Variants in NAP1L4 observed in about 807,000 individuals in gnomAD.
The protein encoded by NAP1L4 is nucleosome assembly protein 1-like 4.
In NAP1L4, 15 loss-of-function variants were observed where a neutral mutation model predicts 58.2. That is an observed-to-expected ratio of 0.26 (90% CI 0.17 to 0.40). The LOEUF is 0.40. Ranked by LOEUF, NAP1L4 falls within the 10% of genes least tolerant of loss-of-function variation. The pLI is 1.00. For missense variants in NAP1L4, 384 were observed against 451.1 expected, an observed-to-expected ratio of 0.85 and a Z score of 1.35; for synonymous variants, 171 against 155.6, an observed-to-expected ratio of 1.10 and a Z score of -0.74.
chr11:2,978,146 C>T, intron 3 of NAP1L4, 138 bp downstream of exon 3: 1 of 736,136 alleles, frequency 1.4e-6, no homozygotes, highest in African/African-American at 1.8e-5. Context: ...TAATGAGATA[C>T]TGATTTTTCA....
rs867834832 is a variant in NAP1L4, at chr11:2,948,470, G to A, written c.*32+757C>T. 1.2e-4 allele frequency among the ~76,000 whole-genome samples: 18 copies of A among 152,248 alleles called. 1 individual carries two copies. Among genetic ancestry groups the A allele is most frequent in the Middle Eastern group, 6.8e-3 (2 of 294 alleles). On this transcript the variant is annotated intron_variant, in intron 15 of 15. Transcript: ENST00000380542. The surrounding 1 kb of genome is among the most constrained non-coding windows in gnomAD (Gnocchi z 5.1). The stretch of plus-strand genomic sequence containing the variant: ...TCTCCCACTACATCCCGAGTGCCAC[G>A]AGTGAACAGGTCTCGTCACGGGCAA...
At chr11:2,967,439 C>T (rs1011019804) in intron 7 of NAP1L4, among the ~76,000 whole-genome samples, 1 of 151,908 alleles carries the variant, frequency 6.6e-6, no homozygotes, top group Non-Finnish European at 1.5e-5. Flanking sequence ...AGTGAAACCC[C>T]GTCTCTACTA....
chr11:2,970,046 C>G (rs536581798), intron 6 of NAP1L4, 112 bp from the exon 7 acceptor site: 16 of 1,141,444 alleles, frequency 1.4e-5, no homozygotes, highest in Non-Finnish European at 1.9e-5. Context: ...AAACACCTTG[C>G]TTTCTAAGTC....
At chr11:2,991,129 G>A (rs989721180) in intron 1 of NAP1L4, 24 of 456,236 alleles carry the variant, frequency 5.3e-5, no homozygotes, top group African/African-American at 4.6e-4. Flanking sequence ...CCTGCCAGAG[G>A]AGCGCACAGT....
chr11:2,965,535 A>G (rs1343110628), intron 7 of NAP1L4, among the ~76,000 whole-genome samples: 1 of 152,140 alleles, frequency 6.6e-6, no homozygotes, highest in Non-Finnish European at 1.5e-5. Context: ...TCCAAAACTC[A>G]CAATACACAC....
intron 7 of NAP1L4, among the ~76,000 whole-genome samples, chr11:2,969,381 A>ACAC: frequency 6.8e-6 from 1 of 147,298 alleles, no homozygotes; most frequent in African/African-American, 2.5e-5. Flanking sequence ...CACACACACA[A>ACAC]ACAAACACAC....
At chr11:2,960,430 T>G (rs1448534192) in intron 8 of NAP1L4, among the ~76,000 whole-genome samples, 1 of 152,002 alleles carries the variant, frequency 6.6e-6, no homozygotes, top group South Asian at 2.1e-4. Context: ...GACAGAAAGC[T>G]CATCCCTCAC....
chr11:2,987,496 C>CT (rs1385205558), intron 1 of NAP1L4, among the ~76,000 whole-genome samples: 1 of 151,346 alleles, frequency 6.6e-6, no homozygotes, highest in East Asian at 2.0e-4. Flanking sequence ...TGGCTCACGC[C>CT]TGTAATCCCA....
At chr11:2,947,661 T>G (rs961209406) in intron 15 of NAP1L4, among the ~76,000 whole-genome samples, 2 of 152,114 alleles carry the variant, frequency 1.3e-5, no homozygotes, top group Non-Finnish European at 2.9e-5. Context: ...TGAAGCGTCC[T>G]TTATCTCATG....
intron 1 of NAP1L4, among the ~76,000 whole-genome samples, chr11:2,982,606 C>A (rs1361981096): frequency 1.3e-5 from 2 of 152,196 alleles, no homozygotes; most frequent in African/African-American, 4.8e-5. Context: ...AGGTGAGGTG[C>A]CAAATTGAAA....
In NAP1L4 at chr11:2,945,571, C is replaced by T; in HGVS notation, c.*108G>A. The T allele has an allele frequency of 6.5e-7, 1 of 1,532,372 alleles. No homozygotes were observed. Among genetic ancestry groups the T allele is most frequent in the Non-Finnish European group, 8.7e-7 (1 of 1,143,716 alleles). The allele number at this position is 1,532,372 out of a possible 1,614,324, so 94.9% of individuals were successfully genotyped here. A position where few individuals can be genotyped will look rare whatever the true frequency, so the allele number is the denominator to read the frequency against. ...GAGGCCCCGCCCACAGGCCTGGAGT[C>T]CCGACAGCCGGTCTGCCAGGCACCC... On this transcript the variant is annotated 3_prime_UTR_variant, in exon 16 of 16. Coordinates refer to ENST00000380542, the MANE Select transcript of NAP1L4 (RefSeq NM_005969.4).
Position 2,978,361 on chromosome 11 carries a change from T to C in NAP1L4, c.15-19A>G. Reference sequence around the variant, plus strand: ...TGAAAAACTAAAACAACAGTATGTTTAAAAAGTATTACTGTAAAGAAAGTT... The same window carrying C: ...TGAAAAACTAAAACAACAGTATGTTCAAAAAGTATTACTGTAAAGAAAGTT... On this transcript the variant is annotated intron_variant, in intron 2 of 15. Coordinates refer to ENST00000380542, the MANE Select transcript of NAP1L4 (RefSeq NM_005969.4). 1 of 1,610,362 alleles carries C rather than the reference T, an allele frequency of 6.2e-7. No homozygotes were observed. The highest frequency in any genetic ancestry group is 8.5e-7 in the Non-Finnish European group (1 of 1,177,188).
In NAP1L4 at chr11:2,951,466, GAATT is replaced by G; in HGVS notation, c.1066-155_1066-152del. ...ACTCATCACTTCCTTTGGACACTTA[GAATT>G]ATTTCTAGGTATCTTTTTGTTCTCA... On this transcript the variant is annotated intron_variant, in intron 13 of 15. Transcript: ENST00000380542. The surrounding 1 kb of genome is among the most constrained non-coding windows in gnomAD (Gnocchi z 4.0). The G allele has an allele frequency of 1.4e-6, 1 of 727,758 alleles. No individual in the cohort carries two copies. The highest frequency in any genetic ancestry group is 2.4e-5 in the Admixed American group (1 of 41,406). 45.1% of individuals were successfully genotyped at this position (727,758 alleles called of 1,614,324 possible).
chr11:2,973,441 A>G (rs1847765004), intron 4 of NAP1L4, among the ~76,000 whole-genome samples: 1 of 152,166 alleles, frequency 6.6e-6, no homozygotes. Context: ...TTGAATACTC[A>G]TTCACACAAT....
rs1401593838 is a variant in NAP1L4 at position 2,954,988 on chromosome 11, A to T, written c.916-342T>A. ...GCACATTTGCTACTGAAATCAACAT[A>T]TGAAACACATACTTTTACTTAGATG... On this transcript the variant is annotated intron_variant, in intron 11 of 15. Coordinates refer to ENST00000380542, the MANE Select transcript of NAP1L4 (RefSeq NM_005969.4). The surrounding 1 kb of genome is among the most constrained non-coding windows in gnomAD (Gnocchi z 4.8). 1.3e-5 allele frequency among the ~76,000 whole-genome samples: 2 copies of T among 152,206 alleles called. No homozygotes were observed. The highest frequency in any genetic ancestry group is 4.8e-5 in the African/African-American group (2 of 41,450).
chr11:2,960,291 C>G (rs1448791689), intron 8 of NAP1L4, among the ~76,000 whole-genome samples: 1 of 152,184 alleles, frequency 6.6e-6, no homozygotes, highest in Non-Finnish European at 1.5e-5. Context: ...CTTTTCCGCT[C>G]AGCCTAAGCC....
rs1846061968 is a variant in NAP1L4 at position 2,948,620 on chromosome 11, T to C, written c.*32+607A>G. The stretch of plus-strand genomic sequence containing the variant: ...GACACTCACTTTCATCTACAACTGG[T>C]TCTTGCTTCATTCAACTAGCACCAA... On this transcript the variant is annotated intron_variant, in intron 15 of 15. Transcript: ENST00000380542. The surrounding 1 kb of genome is among the most constrained non-coding windows in gnomAD (Gnocchi z 5.1). Among the ~76,000 whole-genome samples, 1 of 152,180 alleles carries C rather than the reference T, an allele frequency of 6.6e-6. No individual in the cohort carries two copies. Among genetic ancestry groups the C allele is most frequent in the African/African-American group, 2.4e-5 (1 of 41,452 alleles).
Position 2,955,648 on chromosome 11 carries a change from C to T in NAP1L4, c.915+96G>A. 8.0e-7 allele frequency: 1 copy of T among 1,247,740 alleles called. No individual in the cohort carries two copies. Among genetic ancestry groups the T allele is most frequent in the Non-Finnish European group, 1.2e-6 (1 of 864,276 alleles). The allele number at this position is 1,247,740 out of a possible 1,614,324, so 77.3% of individuals were successfully genotyped here. On this transcript the variant is annotated intron_variant, in intron 11 of 15. Transcript: ENST00000380542. The surrounding 1 kb of genome is among the most constrained non-coding windows in gnomAD (Gnocchi z 4.2). ...ATCACTGGCATACCCAGTCCACACACAGCCAGGACTGGACTTTTTTTAACA... is the reference window on the plus strand; with the variant it reads ...ATCACTGGCATACCCAGTCCACACATAGCCAGGACTGGACTTTTTTTAACA...
intron 10 of NAP1L4, 173 bp downstream of exon 10, chr11:2,958,226 G>C: frequency 1.4e-6 from 1 of 719,730 alleles, no homozygotes; most frequent in Non-Finnish European, 2.5e-6. Context: ...TCTGCCCCCC[G>C]CGATAAACTT....
Sources: allele counts gnomAD v4.1 joint callset (sites outside exome capture counted in the v4.1 genomes callset), GRCh38; gene constraint gnomAD v4.1.1; non-coding constraint Gnocchi (gnomAD v3.1); transcripts MANE v1.5; gene names NCBI Gene and HGNC (gene_info 2026-07-23, HGNC 2026-07-21).